The following AGTPBP1 variants were observed in gnomAD, a reference collection of about 807,000 sequenced individuals.
AGTPBP1 encodes ATP/GTP binding carboxypeptidase 1.
In AGTPBP1, 70 loss-of-function variants were observed where a neutral mutation model predicts 143.9. The observed-to-expected ratio is 0.49, with a 90% CI of 0.40 to 0.59. AGTPBP1 has a LOEUF of 0.59. Ranked by LOEUF, AGTPBP1 falls within the 20% of genes least tolerant of loss-of-function variation. The probability of loss-of-function intolerance (pLI) is 0.00; values close to 1 mark genes in which losing one functional copy is unlikely to be tolerated. For synonymous variants in AGTPBP1, 463 were observed against 500.2 expected (o/e 0.93, Z 0.99); for missense variants, 1,229 against 1,464.5 (o/e 0.84, Z 2.62).
In AGTPBP1 at chr9:85,632,836, G is replaced by C; in HGVS notation, c.1841C>G (p.Ala614Gly). The stretch of plus-strand genomic sequence containing the variant: ...TGGTCCATCAGGTACTTCAACCGAT[G>C]CTTGTTCTACCGATGAATTTGACTC... ...DTESNSSVEQ[A>G]SVEVPDGPTL... is the part of the protein sequence containing the mutation. Residue 614 changes from alanine to glycine, a missense_variant, in exon 14 of 26, where the codon GCA (alanine) becomes GGA (glycine). By Grantham distance (60) the Ala-to-Gly change is moderately conservative. Coordinates refer to ENST00000357081, the MANE Select transcript of AGTPBP1 (RefSeq NM_001330701.2). 2 of 1,614,146 alleles carry C rather than the reference G, an allele frequency of 1.2e-6. No homozygotes were observed. Among genetic ancestry groups the C allele is most frequent in the Non-Finnish European group, 1.7e-6 (2 of 1,180,016 alleles).
At chr9:85,661,643 G>A (rs1282933527) in intron 8 of AGTPBP1, among the ~76,000 whole-genome samples, 1 of 152,026 alleles carries the variant, frequency 6.6e-6, no homozygotes, top group Non-Finnish European at 1.5e-5. Flanking sequence ...AATTGTATTT[G>A]AACGTAAATA....
chr9:85,619,181 CACAT>C (rs746579981), intron 16 of AGTPBP1, 30 bp downstream of exon 16: 1 of 1,609,490 alleles, frequency 6.2e-7, no homozygotes, highest in Non-Finnish European at 8.5e-7. Flanking sequence ...AATATCTGTG[CACAT>C]ACAAAATGAG....
intron 3 of AGTPBP1, among the ~76,000 whole-genome samples, chr9:85,687,807 C>G (rs577938609): frequency 6.6e-6 from 1 of 151,816 alleles, no homozygotes; most frequent in African/African-American, 2.4e-5. Context: ...AAGAAAATGG[C>G]GGCCAGGCGC....
chr9:85,649,061 A>G (rs1364313539), intron 11 of AGTPBP1, among the ~76,000 whole-genome samples: 1 of 152,192 alleles, frequency 6.6e-6, no homozygotes, highest in Non-Finnish European at 1.5e-5. Context: ...TTATACCAGT[A>G]CCAATAATTA....
intron 17 of AGTPBP1, among the ~76,000 whole-genome samples, chr9:85,602,099 A>C (rs1829709592): frequency 6.6e-6 from 1 of 152,220 alleles, no homozygotes; most frequent in Non-Finnish European, 1.5e-5. Flanking sequence ...AAAACAAGAA[A>C]ATATGACACC....
the AGTPBP1 span, among the ~76,000 whole-genome samples, chr9:85,791,721 T>TA: frequency 1.3e-5 from 2 of 152,156 alleles, no homozygotes; most frequent in African/African-American, 4.8e-5. Context: ...ACTTTGCCAT[T>TA]AAAAAATAAC....
chr9:85,590,465 A>G (rs951797819), intron 19 of AGTPBP1, among the ~76,000 whole-genome samples: 3 of 152,196 alleles, frequency 2.0e-5, no homozygotes, highest in African/African-American at 7.2e-5. Flanking sequence ...TTATACCAAA[A>G]ATAAATTGTT....
the AGTPBP1 span, among the ~76,000 whole-genome samples, chr9:85,757,944 T>C: frequency 1.3e-5 from 2 of 152,176 alleles, no homozygotes; most frequent in Non-Finnish European, 2.9e-5. Flanking sequence ...GCATATGAAT[T>C]GTGAAACATC....
intron 15 of AGTPBP1, among the ~76,000 whole-genome samples, chr9:85,620,822 CT>C (rs1238736353): frequency 6.6e-6 from 1 of 152,096 alleles, no homozygotes; most frequent in African/African-American, 2.4e-5. Context: ...ATTTGTTATC[CT>C]AATGAAATGA....
chr9:85,667,601 G>A (rs1306702080), intron 8 of AGTPBP1, among the ~76,000 whole-genome samples: 2 of 152,038 alleles, frequency 1.3e-5, no homozygotes, highest in African/African-American at 2.4e-5. Flanking sequence ...AAAGTTGCCA[G>A]CTCCACCTAT....
chr9:85,560,230 T>A (rs1424654563), intron 25 of AGTPBP1, among the ~76,000 whole-genome samples: 2 of 152,126 alleles, frequency 1.3e-5, no homozygotes, highest in Admixed American at 6.6e-5. Context: ...GGAAAAAAAA[T>A]GCTGATTTAC....
intron 10 of AGTPBP1, 84 bp from the exon 11 acceptor site, chr9:85,655,404 C>G: frequency 8.7e-7 from 1 of 1,145,758 alleles, no homozygotes; most frequent in Non-Finnish European, 1.2e-6. Flanking sequence ...AAGTGTCATA[C>G]ATTAATAATT....
chr9:85,572,945 T>C (rs1227090400), intron 25 of AGTPBP1, among the ~76,000 whole-genome samples: 1 of 152,130 alleles, frequency 6.6e-6, no homozygotes, highest in African/African-American at 2.4e-5. Flanking sequence ...ACAAATTTGA[T>C]GACAAGTTAA....
At chr9:85,607,944 G>A (rs965428102) in intron 17 of AGTPBP1, among the ~76,000 whole-genome samples, 5 of 152,056 alleles carry the variant, frequency 3.3e-5, no homozygotes, top group Admixed American at 3.3e-4. Context: ...TATTACAGCT[G>A]CGATTTCAGA....
At chr9:85,757,665 A>G in the AGTPBP1 span, among the ~76,000 whole-genome samples, 1 of 152,036 alleles carries the variant, frequency 6.6e-6, no homozygotes, top group South Asian at 2.1e-4. Context: ...CTGAAATGTG[A>G]TGGGCATTTT....
chr9:85,685,940 T>C (rs1021101580), intron 3 of AGTPBP1, among the ~76,000 whole-genome samples: 4 of 151,760 alleles, frequency 2.6e-5, no homozygotes, highest in African/African-American at 9.7e-5. Context: ...TTCAAAGAAA[T>C]TACTTCTTAA....
chr9:85,742,866 C>T (rs533213279), upstream of AGTPBP1, among the ~76,000 whole-genome samples: 1 of 152,286 alleles, frequency 6.6e-6, no homozygotes, highest in East Asian at 1.9e-4. Context: ...TGTAATATCA[C>T]AACTAGATAA....
At chr9:85,698,232 T>C (rs897969821) in intron 2 of AGTPBP1, among the ~76,000 whole-genome samples, 12 of 152,182 alleles carry the variant, frequency 7.9e-5, no homozygotes, top group African/African-American at 2.9e-4. Flanking sequence ...TAAAATTAAT[T>C]ACGCCAATTA....
chr9:85,798,057 A>ATTTT, the AGTPBP1 span, among the ~76,000 whole-genome samples: 284 of 135,598 alleles, frequency 2.1e-3, 1 homozygote, highest in Non-Finnish European at 3.3e-3. Flanking sequence ...CACATCGGCT[A>ATTTT]TTTTTTTTTT....
Sources: gnomAD v4.1 joint callset for allele counts (sites outside exome capture counted in the v4.1 genomes callset) on GRCh38, gnomAD v4.1.1 for gene constraint, MANE v1.5 for transcripts, NCBI Gene and HGNC (gene_info 2026-07-23, HGNC 2026-07-21) for gene names.